Variants in EPM2A observed in about 807,000 individuals in gnomAD.
EPM2A encodes laforin.
In EPM2A, 21 loss-of-function variants were observed where a neutral mutation model predicts 26.5. The observed-to-expected ratio is 0.79, with a 90% CI of 0.56 to 1.14. EPM2A has a LOEUF of 1.14. Ranked by LOEUF, EPM2A falls within the 50% of genes most tolerant of loss-of-function variation. The pLI is 0.00. For missense variants in EPM2A, 458 were observed against 440.8 expected (o/e 1.04, Z -0.35); for synonymous variants, 217 against 177.6 (o/e 1.22, Z -1.76).
intron 2 of EPM2A, among the ~76,000 whole-genome samples, chr6:145,518,618 A>C (rs418293): frequency 0.44 from 63,656 of 144,246 alleles, 14,437 homozygotes; most frequent in South Asian, 0.58. Context: ...AAAAAAAAAA[A>C]AAAAACAAAG....
chr6:145,661,650 T>G (rs2179323), intron 2 of EPM2A, among the ~76,000 whole-genome samples: 80,965 of 152,014 alleles, frequency 0.53, 22,205 homozygotes, highest in East Asian at 0.67. Context: ...TTAAACAATC[T>G]CATGAAAAAG....
At position 145,627,433 on chromosome 6, in the gene EPM2A, A is replaced by G. The variant is rs768781694; in HGVS notation, c.979T>C (p.Ser327Pro). The G allele has an allele frequency of 4.3e-6, 7 of 1,614,204 alleles. No individual in the cohort carries two copies. Among genetic ancestry groups the G allele is most frequent in the Non-Finnish European group, 5.9e-6 (7 of 1,180,036 alleles). ...CTGACCAGCTACAGGCTACACACAG[A>G]AGAACGAACCTTCCCAAATTTCTGG... is the stretch of plus-strand genomic sequence containing the variant. ...FFQKFGKVRSSVCSL is the reference protein window; with the variant it reads ...FFQKFGKVRSPVCSL The change falls in exon 4 of 4, where the codon TCT becomes CCT. Residue 327 changes from serine to proline, a missense_variant. Coordinates refer to ENST00000367519, the MANE Select transcript of EPM2A (RefSeq NM_005670.4).
chr6:145,731,878 G>A (rs1166927086), intron 1 of EPM2A, among the ~76,000 whole-genome samples: 1 of 152,116 alleles, frequency 6.6e-6, no homozygotes, highest in African/African-American at 2.4e-5. Context: ...ACTGCTAACA[G>A]GAATGGGCTT....
intron 4 of EPM2A, among the ~76,000 whole-genome samples, chr6:145,406,558 A>T (rs1028926519): frequency 1.3e-5 from 2 of 152,122 alleles, no homozygotes; most frequent in Non-Finnish European, 1.5e-5. Flanking sequence ...TCTGACTACA[A>T]TTTCTTCCTC....
At chr6:145,428,940 G>A (rs950243406) in intron 4 of EPM2A, among the ~76,000 whole-genome samples, 1 of 152,178 alleles carries the variant, frequency 6.6e-6, no homozygotes, top group African/African-American at 2.4e-5. Context: ...CTTTCAAACA[G>A]AGCACCGTTT....
At chr6:145,583,401 A>G (rs550629439) in intron 2 of EPM2A, among the ~76,000 whole-genome samples, 1 of 152,214 alleles carries the variant, frequency 6.6e-6, no homozygotes, top group South Asian at 2.1e-4. Context: ...AACTGGCTTC[A>G]ATTCTGGAAG....
chr6:145,498,342 C>T (rs931022609), downstream of EPM2A, among the ~76,000 whole-genome samples: 2 of 152,160 alleles, frequency 1.3e-5, no homozygotes, highest in African/African-American at 2.4e-5. Context: ...TGGATTCCAC[C>T]CCCTTCCTAG....
At chr6:145,555,817 C>A (rs7757137) in intron 2 of EPM2A, among the ~76,000 whole-genome samples, 10,305 of 152,142 alleles carry the variant, frequency 0.068, 1,167 homozygotes, top group African/African-American at 0.23. Context: ...TCATCTATTC[C>A]ACACACTCCC....
chr6:145,684,741 C>T (rs529988034), intron 2 of EPM2A: 5 of 152,158 alleles, frequency 3.3e-5, no homozygotes, highest in South Asian at 2.1e-4. Context: ...GAACTTGTAC[C>T]TCAATCCCTA....
intron 2 of EPM2A, among the ~76,000 whole-genome samples, chr6:145,537,503 T>G (rs1780447784): frequency 6.6e-6 from 1 of 152,104 alleles, no homozygotes; most frequent in South Asian, 2.1e-4. Flanking sequence ...TCTTTTATTG[T>G]TATATACTTC....
rs577482438 is a variant in EPM2A at position 145,594,023 on chromosome 6, TAGAG to T, written c.340+41218_340+41221del. The stretch of plus-strand genomic sequence containing the variant: ...TAATAAAACTCTAGCCAGGATAGCT[TAGAG>T]AGAGAGTGAAAAAGAGAACACAAAT... On this transcript the variant is annotated intron_variant, in intron 2 of 3. Transcript: ENST00000450221. 3.3e-4 allele frequency among the ~76,000 whole-genome samples: 50 copies of T among 151,848 alleles called. No individual in the cohort carries two copies. The East Asian group carries it at 8.9e-3, about 27-fold the overall frequency.
intron 1 of EPM2A, 65 bp from the exon 2 acceptor site, chr6:145,686,361 C>A: frequency 7.8e-7 from 1 of 1,277,002 alleles, no homozygotes; most frequent in South Asian, 1.2e-5. Context: ...ATCCTCAAAG[C>A]AGCTGATACA....
intron 4 of EPM2A, among the ~76,000 whole-genome samples, chr6:145,387,952 CA>C (rs1192853215): frequency 6.6e-6 from 1 of 152,074 alleles, no homozygotes; most frequent in Admixed American, 6.6e-5. Flanking sequence ...GGGAAGCTAT[CA>C]GGGGTGACAG....
chr6:145,415,019 C>G (rs751277624), intron 4 of EPM2A, among the ~76,000 whole-genome samples: 2 of 152,202 alleles, frequency 1.3e-5, no homozygotes, highest in Non-Finnish European at 2.9e-5. Flanking sequence ...TACCTGTGCA[C>G]TCCACCTAGA....
chr6:145,571,886 G>T (rs1582864371), intron 2 of EPM2A, among the ~76,000 whole-genome samples: 1 of 152,312 alleles, frequency 6.6e-6, no homozygotes, highest in Middle Eastern at 3.4e-3. Flanking sequence ...ATCCTCCTCT[G>T]CTGAGGTCAC....
intron 4 of EPM2A, among the ~76,000 whole-genome samples, chr6:145,416,673 G>T (rs1236566599): frequency 1.3e-5 from 2 of 152,156 alleles, no homozygotes; most frequent in South Asian, 2.1e-4. Flanking sequence ...TTATATTCCA[G>T]AATAAGTTGT....
intron 4 of EPM2A, among the ~76,000 whole-genome samples, chr6:145,404,372 ATATACAGGTCTTTATATACTCG>A (rs1199553798): frequency 6.6e-6 from 1 of 151,730 alleles, no homozygotes; most frequent in Non-Finnish European, 1.5e-5. Flanking sequence ...TTTCTTATTG[ATATACAGGTCTTTATATACTCG>A]TATTTATTTT....
intron 2 of EPM2A, among the ~76,000 whole-genome samples, chr6:145,530,113 C>T (rs568699884): frequency 6.6e-6 from 1 of 152,206 alleles, no homozygotes; most frequent in Admixed American, 6.5e-5. Flanking sequence ...CTTCCTCTGC[C>T]CAGTCAGTTC....
intron 4 of EPM2A, among the ~76,000 whole-genome samples, chr6:145,388,993 T>C (rs1270227112): frequency 6.6e-6 from 1 of 152,176 alleles, no homozygotes; most frequent in Non-Finnish European, 1.5e-5. Flanking sequence ...TGTGTCTTTA[T>C]AGTAGAATGA....
Sources: allele counts gnomAD v4.1 joint callset (sites outside exome capture counted in the v4.1 genomes callset), GRCh38; gene constraint gnomAD v4.1.1; transcripts MANE v1.5; gene names NCBI Gene and HGNC (gene_info 2026-07-23, HGNC 2026-07-21).